Variants in CLEC16A observed in about 807,000 individuals in gnomAD.
The protein encoded by CLEC16A is protein CLEC16A.
A neutral mutation model predicts 109.5 loss-of-function variants in CLEC16A; 51 were observed. The ratio of observed to expected loss-of-function variants is 0.47; its 90% CI spans 0.37 to 0.59. The LOEUF (loss-of-function observed/expected upper bound fraction) is 0.59. Among genes scored for constraint, CLEC16A ranks in the 20% least tolerant of loss-of-function variants. CLEC16A has a pLI of 0.00. For missense variants in CLEC16A, 1,339 were observed against 1,394.0 expected, an observed-to-expected ratio of 0.96 and a Z score of 0.63; for synonymous variants, 673 against 564.2, an observed-to-expected ratio of 1.19 and a Z score of -2.73.
chr16:10,958,050 TAAA>T (rs35204351), intron 2 of CLEC16A, 140 bp downstream of exon 2: 1,117 of 515,972 alleles, frequency 2.2e-3, no homozygotes, highest in South Asian at 3.7e-3. Flanking sequence ...TGTCTAGCTG[TAAA>T]AAAAAAAAAA....
intron 19 of CLEC16A, among the ~76,000 whole-genome samples, chr16:11,103,579 C>CA (rs1210838854): frequency 2.6e-5 from 4 of 152,070 alleles, no homozygotes; most frequent in Admixed American, 6.5e-5. Flanking sequence ...AACTCCGTCT[C>CA]AAAAAAATAA....
chr16:10,969,380 AG>A, intron 4 of CLEC16A, 71 bp downstream of exon 4: 1 of 1,042,610 alleles, frequency 9.6e-7, no homozygotes, highest in East Asian at 2.7e-5. Context: ...TTTTTACGGC[AG>A]CGCCTTATAT....
intron 11 of CLEC16A, 56 bp from the exon 12 acceptor site, chr16:11,020,137 A>G: frequency 6.5e-7 from 1 of 1,547,340 alleles, no homozygotes; most frequent in Non-Finnish European, 8.7e-7. Context: ...GCATGTGTAT[A>G]AATCTAGGGC....
At chr16:11,057,895 T>C (rs1011963294) in intron 18 of CLEC16A, among the ~76,000 whole-genome samples, 13 of 152,188 alleles carry the variant, frequency 8.5e-5, no homozygotes, top group African/African-American at 2.9e-4. Context: ...ATCTGTAAAA[T>C]AGGAACCATG....
In CLEC16A at chr16:11,018,083, G is replaced by C. The variant is rs867074039; in HGVS notation, c.1304-2110G>C. Among the ~76,000 whole-genome samples the C allele has an allele frequency of 2.7e-5, 4 of 149,576 alleles. No individual in the cohort carries two copies. In the South Asian group the frequency reaches 8.6e-4, roughly 32 times the overall value. On this transcript the variant is annotated intron_variant, in intron 11 of 23. Coordinates refer to ENST00000409790, the MANE Select transcript of CLEC16A (RefSeq NM_015226.3). ...AGCACTTTGGGAGGCCAAGGTGGGA[G>C]GATCATTTGAGCTCAGAAGTTTGAG...
Position 11,084,193 on chromosome 16 carries a change from C to T in CLEC16A, c.2116+23171C>T, listed in dbSNP as rs1202100231. On this transcript the variant is annotated intron_variant, in intron 19 of 23. Transcript: ENST00000409790. ...CTGCTTGGGATGCTTATTCCTGCCA[C>T]CATGGTCCCCTGTGTTTGGCCAACT... is the stretch of plus-strand genomic sequence containing the variant. 3.9e-5 allele frequency among the ~76,000 whole-genome samples: 6 copies of T among 152,110 alleles called. No individual in the cohort carries two copies. The South Asian group carries it at 6.2e-4, about 16-fold the overall frequency.
intron 22 of CLEC16A, among the ~76,000 whole-genome samples, chr16:11,142,082 G>A (rs1442466962): frequency 6.6e-6 from 1 of 152,198 alleles, no homozygotes; most frequent in Non-Finnish European, 1.5e-5. Context: ...CACAGCCCAG[G>A]TTCACAGCAG....
At chr16:11,127,190 C>G (rs1181053785) in intron 22 of CLEC16A, among the ~76,000 whole-genome samples, 1 of 152,162 alleles carries the variant, frequency 6.6e-6, no homozygotes, top group Non-Finnish European at 1.5e-5. Flanking sequence ...GTTTTTTACA[C>G]ATGGGGTATA....
At chr16:11,171,419 G>C (rs555473501) in intron 23 of CLEC16A, among the ~76,000 whole-genome samples, 220 of 152,316 alleles carry the variant, frequency 1.4e-3, no homozygotes, top group Non-Finnish European at 2.8e-3. Flanking sequence ...CTGTGCCCCA[G>C]GGCACTTTAA....
chr16:11,141,505 C>T (rs1020383235), intron 22 of CLEC16A, among the ~76,000 whole-genome samples: 36 of 152,034 alleles, frequency 2.4e-4, no homozygotes, highest in Non-Finnish European at 7.4e-5. Context: ...TGTCGGGGAC[C>T]GTGGGGGATC....
chr16:11,096,919 T>A (rs969124977), intron 19 of CLEC16A, among the ~76,000 whole-genome samples: 1 of 152,100 alleles, frequency 6.6e-6, no homozygotes, highest in Non-Finnish European at 1.5e-5. Flanking sequence ...ACGGTACAGG[T>A]GGTACAACTA....
chr16:11,130,634 A>G (rs2053141841), intron 22 of CLEC16A, among the ~76,000 whole-genome samples: 1 of 152,238 alleles, frequency 6.6e-6, no homozygotes. Context: ...GGCCTCTGAT[A>G]CTGTGACATG....
chr16:10,957,825 C>G lies in CLEC16A; in HGVS notation c.124C>G (p.Gln42Glu). 2.5e-6 allele frequency: 4 copies of G among 1,613,782 alleles called. No homozygotes were observed. Among genetic ancestry groups the G allele is most frequent in the Non-Finnish European group, 3.4e-6 (4 of 1,179,684 alleles). Residue 42 changes from glutamine (Q) to glutamate (E), a missense_variant, in exon 2 of 24, where the codon CAG (glutamine) becomes GAG (glutamate). Physicochemically the swap from Gln to Glu is conservative, Grantham distance 29. Coordinates refer to ENST00000409790, the MANE Select transcript of CLEC16A (RefSeq NM_015226.3). ...GACCAAAAACACCACAGTCACAGAA[C>G]AGAACCGGAACCTGCTAGTGGAGAC... ...VLTKNTTVTE[Q>E]NRNLLVETIR...
At chr16:11,067,156 GT>G (rs201380415) in intron 19 of CLEC16A, among the ~76,000 whole-genome samples, 1,487 of 125,712 alleles carry the variant, frequency 0.012, 20 homozygotes, top group African/African-American at 0.042. Context: ...TGTTGTGGGG[GT>G]TTTTTTTTTG....
Position 11,178,498 on chromosome 16 carries a change from C to A in CLEC16A, c.2970C>A (p.Thr990=). ...GCCTCGTCCCTGCCCGGCAGCCCAC[C>A]ATTTCCCTGCTCTGCGAGGACACGG... is the stretch of plus-strand genomic sequence containing the variant. ...SPSLVPARQP[T]ISLLCEDTAD... The change falls in exon 24 of 24, where the codon ACC becomes ACA. Residue 990 remains threonine (T), a synonymous_variant. Coordinates refer to ENST00000409790, the MANE Select transcript of CLEC16A (RefSeq NM_015226.3). The surrounding 1 kb of genome is among the most constrained non-coding windows in gnomAD (Gnocchi z 6.5). 1 of 1,613,592 alleles carries A rather than the reference C, an allele frequency of 6.2e-7. No individual in the cohort carries two copies. The highest frequency in any genetic ancestry group is 8.5e-7 in the Non-Finnish European group (1 of 1,179,880).
chr16:11,061,648 G>A lies in CLEC16A; in HGVS notation c.2116+626G>A, dbSNP rs141105897. ...CTTTCTCTTTCCTCCATTTGCTACA[G>A]GGCACAGGCACACTAATGAGCAGCA... is the stretch of plus-strand genomic sequence containing the variant. On this transcript the variant is annotated intron_variant, in intron 19 of 23. Transcript: ENST00000409790. 6.1e-4 allele frequency among the ~76,000 whole-genome samples: 93 copies of A among 152,304 alleles called. 1 individual carries two copies. In the East Asian group the frequency reaches 0.016, roughly 26 times the overall value.
chr16:11,166,363 G>C (rs1322022374), intron 22 of CLEC16A, 25 bp from the exon 23 acceptor site: 1 of 1,576,034 alleles, frequency 6.3e-7, no homozygotes, highest in Non-Finnish European at 8.6e-7. Flanking sequence ...GCTTCCACTT[G>C]GTCACCTGGT....
intron 19 of CLEC16A, among the ~76,000 whole-genome samples, chr16:11,086,798 T>C (rs2050035517): frequency 6.6e-6 from 1 of 152,142 alleles, no homozygotes; most frequent in African/African-American, 2.4e-5. Flanking sequence ...AGCCGAGACA[T>C]TTATGCCCAG....
chr16:10,960,503 A>G (rs1461256180), intron 2 of CLEC16A, among the ~76,000 whole-genome samples: 2 of 152,226 alleles, frequency 1.3e-5, no homozygotes, highest in Non-Finnish European at 2.9e-5. Context: ...CATTCACAAT[A>G]TCCACATGAC....
Sources: allele counts gnomAD v4.1 joint callset (sites outside exome capture counted in the v4.1 genomes callset), GRCh38; gene constraint gnomAD v4.1.1; non-coding constraint Gnocchi (gnomAD v3.1); transcripts MANE v1.5; gene names NCBI Gene and HGNC (gene_info 2026-07-23, HGNC 2026-07-21).